Variants in FANCC observed in about 807,000 individuals in gnomAD.
The protein encoded by FANCC is FA complementation group C.
In FANCC, 55 loss-of-function variants were observed where a neutral mutation model predicts 71.3. The ratio of observed to expected loss-of-function variants is 0.77; its 90% confidence interval spans 0.62 to 0.97. The LOEUF is 0.97. Among genes scored for constraint, FANCC ranks in the 50% least tolerant of loss-of-function variants. FANCC has a pLI of 0.00. For synonymous variants in FANCC, 275 were observed against 244.9 expected (o/e 1.12, Z -1.15); for missense variants, 678 against 670.9 (o/e 1.01, Z -0.12).
At chr9:95,314,003 T>C (rs951526790) in intron 1 of FANCC, among the ~76,000 whole-genome samples, 2 of 152,216 alleles carry the variant, frequency 1.3e-5, no homozygotes, top group Non-Finnish European at 2.9e-5. Flanking sequence ...ATTAAATGTT[T>C]TCCCCCTAAG....
chr9:95,217,761 A>G (rs1040419076), intron 4 of FANCC, among the ~76,000 whole-genome samples: 1 of 152,130 alleles, frequency 6.6e-6, no homozygotes, highest in African/African-American at 2.4e-5. Flanking sequence ...AGAAAATCAT[A>G]AAGAGCAAAA....
chr9:95,180,868 C>T (rs1467062974), intron 4 of FANCC, among the ~76,000 whole-genome samples: 1 of 152,004 alleles, frequency 6.6e-6, no homozygotes, highest in East Asian at 1.9e-4. Flanking sequence ...CCTATGATGT[C>T]CCTAGGTCAT....
At chr9:95,170,011 A>G (rs574828036) in intron 6 of FANCC, among the ~76,000 whole-genome samples, 2 of 152,298 alleles carry the variant, frequency 1.3e-5, no homozygotes, top group South Asian at 4.1e-4. Flanking sequence ...GATTTTAAAA[A>G]TTATTTTGTT....
chr9:95,113,955 G>A (rs2072181400), intron 12 of FANCC: 1 of 155,758 alleles, frequency 6.4e-6, no homozygotes, highest in African/African-American at 2.4e-5. Flanking sequence ...AGGTGTGGTG[G>A]TACACGCCTG....
Position 95,101,214 on chromosome 9 carries a change from C to A in FANCC, c.*493G>T. The A allele has an allele frequency of 3.9e-6, 1 of 256,134 alleles. No individual in the cohort carries two copies. Among genetic ancestry groups the A allele is most frequent in the Non-Finnish European group, 7.7e-6 (1 of 130,518 alleles). 15.9% of individuals were successfully genotyped at this position (256,134 alleles called of 1,614,324 possible). On this transcript the variant is annotated 3_prime_UTR_variant, in exon 15 of 15. Transcript: ENST00000289081. ...GGAAGCCTGAGGGACCCTGACTCCC[C>A]TTGAAGAATTTCTCCATACAGCAAG...
intron 1 of FANCC, chr9:95,293,647 C>T: frequency 6.2e-7 from 1 of 1,614,222 alleles, no homozygotes; most frequent in Non-Finnish European, 8.5e-7. Flanking sequence ...GCTGATTCCT[C>T]TGTGTCGTCT....
intron 1 of FANCC, among the ~76,000 whole-genome samples, chr9:95,257,782 T>C (rs1010672773): frequency 3.3e-5 from 5 of 152,132 alleles, no homozygotes; most frequent in African/African-American, 1.2e-4. Flanking sequence ...GATAGACCGC[T>C]AGTCAGACTA....
chr9:95,136,414 GTTAT>G (rs1827705244), intron 7 of FANCC, among the ~76,000 whole-genome samples: 1 of 151,898 alleles, frequency 6.6e-6, no homozygotes, highest in Non-Finnish European at 1.5e-5. Context: ...ATATATGGTA[GTTAT>G]GGCCTAGTTG....
intron 1 of FANCC, among the ~76,000 whole-genome samples, chr9:95,278,557 A>G (rs1018312525): frequency 2.6e-5 from 4 of 152,196 alleles, no homozygotes; most frequent in Non-Finnish European, 5.9e-5. Flanking sequence ...CTGGGCAGTG[A>G]CAGCAAGCCA....
At chr9:95,144,754 G>A (rs1173342210) in intron 7 of FANCC, among the ~76,000 whole-genome samples, 6 of 152,198 alleles carry the variant, frequency 3.9e-5, no homozygotes, top group Admixed American at 2.0e-4. Flanking sequence ...AAAAATCGCC[G>A]TGGAGAGTAA....
rs149212396 is a variant in FANCC, at chr9:95,215,401, T to A, written c.345+25248A>T. Reference sequence around the variant, plus strand: ...GAGAGAGGGAGATAGGGAGAGAGAGTGAGGAGGATGGGAAAGAGGAGGAAA... The same window carrying A: ...GAGAGAGGGAGATAGGGAGAGAGAGAGAGGAGGATGGGAAAGAGGAGGAAA... On this transcript the variant is annotated intron_variant, in intron 4 of 14. Coordinates refer to ENST00000289081, the MANE Select transcript of FANCC (RefSeq NM_000136.3). Among the ~76,000 whole-genome samples the A allele has an allele frequency of 6.9e-4, 103 of 149,058 alleles. 2 individuals carry two copies. The East Asian group carries it at 0.02, about 29-fold the overall frequency.
intron 12 of FANCC, 146 bp downstream of exon 12, chr9:95,114,483 A>T: frequency 1.3e-6 from 1 of 792,788 alleles, no homozygotes; most frequent in Non-Finnish European, 2.2e-6. Flanking sequence ...CGCTTCCTCC[A>T]CTTCTCACTT....
intron 1 of FANCC, among the ~76,000 whole-genome samples, chr9:95,261,933 C>T (rs1832078039): frequency 6.6e-6 from 1 of 152,242 alleles, no homozygotes; most frequent in South Asian, 2.1e-4. Context: ...GGAAACCAGC[C>T]ATGGGGCCAT....
chr9:95,216,418 T>G (rs1828865557), intron 4 of FANCC, among the ~76,000 whole-genome samples: 1 of 152,200 alleles, frequency 6.6e-6, no homozygotes, highest in African/African-American at 2.4e-5. Context: ...CTTAGGAGAT[T>G]GATAAAAATA....
At position 95,100,080 on chromosome 9, in the gene FANCC, T is replaced by C. The variant is rs2071026019; in HGVS notation, c.*1627A>G. On this transcript the variant is annotated 3_prime_UTR_variant, in exon 15 of 15. Transcript: ENST00000289081. ...CCATGGCCCAGCCACAAGTTCTGGC[T>C]TAAAGTCAGAACAGGAGAGAGGCCC... 1 of 232,338 alleles carries C rather than the reference T, an allele frequency of 4.3e-6. No individual in the cohort carries two copies. The highest frequency in any genetic ancestry group is 8.5e-6 in the Non-Finnish European group (1 of 117,560). 14.4% of individuals were successfully genotyped at this position (232,338 alleles called of 1,614,324 possible).
At chr9:95,289,968 A>G (rs2136304950) in intron 1 of FANCC, among the ~76,000 whole-genome samples, 1 of 152,338 alleles carries the variant, frequency 6.6e-6, no homozygotes, top group Admixed American at 6.5e-5. Flanking sequence ...CACACGTTTT[A>G]GAATAGAAAT....
chr9:95,210,746 T>C (rs1466186665), intron 4 of FANCC, among the ~76,000 whole-genome samples: 1 of 152,178 alleles, frequency 6.6e-6, no homozygotes, highest in African/African-American at 2.4e-5. Context: ...TCAATTTGGT[T>C]TAACTCCTTT....
intron 8 of FANCC, 126 bp from the exon 9 acceptor site, chr9:95,126,707 TAGA>T (rs1420448068): frequency 1.2e-5 from 11 of 942,740 alleles, no homozygotes; most frequent in African/African-American, 1.1e-4. Flanking sequence ...TCCTTTTGGT[TAGA>T]AGAACGAACC....
At chr9:95,162,652 T>G (rs749571744) in intron 6 of FANCC, among the ~76,000 whole-genome samples, 4 of 152,200 alleles carry the variant, frequency 2.6e-5, no homozygotes, top group African/African-American at 4.8e-5. Context: ...TAGTGGCCAT[T>G]CTAATAGGTG....
Sources: allele counts gnomAD v4.1 joint callset (sites outside exome capture counted in the v4.1 genomes callset), GRCh38; gene constraint gnomAD v4.1.1; transcripts MANE v1.5; gene names NCBI Gene and HGNC (gene_info 2026-07-23, HGNC 2026-07-21).